ELAVL4: variants seen among roughly 807,000 people sequenced by gnomAD.
ELAVL4 encodes ELAV-like protein 4.
In ELAVL4, 1 loss-of-function variant was observed where a neutral mutation model predicts 35.6. The observed-to-expected ratio is 0.03, with a 90% confidence interval of 0.01 to 0.13. The LOEUF (loss-of-function observed/expected upper bound fraction) is 0.13. Among genes scored for constraint, ELAVL4 ranks in the 10% least tolerant of loss-of-function variants. The pLI is 1.00. For missense variants in ELAVL4, 267 were observed against 464.9 expected, an observed-to-expected ratio of 0.57 and a Z score of 3.91; for synonymous variants, 156 against 171.0, an observed-to-expected ratio of 0.91 and a Z score of 0.69.
rs770050704 is a variant in ELAVL4, at chr1:50,193,836, C to G, written c.426C>G (p.Thr142=). Residue 142 remains threonine (T), a synonymous_variant, in exon 4 of 7, where the codon ACC becomes ACG. Coordinates refer to ENST00000371824, the MANE Select transcript of ELAVL4 (RefSeq NM_001144774.3). ...ANLYVSGLPK[T]MTQKELEQLF... ...TCTATGTTAGCGGCCTTCCCAAAAC[C>G]ATGACCCAGAAGGAACTGGAGCAAC... 1 of 1,614,160 alleles carries G rather than the reference C, an allele frequency of 6.2e-7. No homozygotes were observed. The highest frequency in any genetic ancestry group is 1.1e-5 in the South Asian group (1 of 91,076).
chr1:50,069,322 A>G (rs949134678), intron 1 of ELAVL4, among the ~76,000 whole-genome samples: 4 of 152,106 alleles, frequency 2.6e-5, no homozygotes, highest in Non-Finnish European at 5.9e-5. Flanking sequence ...GATTACCTAT[A>G]GCATTTGTAT....
intron 1 of ELAVL4, among the ~76,000 whole-genome samples, chr1:50,136,012 A>C (rs1247846553): frequency 1.3e-5 from 2 of 152,128 alleles, no homozygotes; most frequent in African/African-American, 4.8e-5. Context: ...GTTGAATCAT[A>C]ACCAGGAAAG....
intron 2 of ELAVL4, among the ~76,000 whole-genome samples, chr1:50,161,005 A>T (rs1281799623): frequency 6.6e-6 from 1 of 152,208 alleles, no homozygotes; most frequent in African/African-American, 2.4e-5. Flanking sequence ...CCAAAGGCTA[A>T]TTACAGTGTA....
At chr1:50,152,918 A>T (rs759762418) in intron 2 of ELAVL4, among the ~76,000 whole-genome samples, 5 of 152,090 alleles carry the variant, frequency 3.3e-5, no homozygotes, top group Non-Finnish European at 5.9e-5. Context: ...TTTAGTGTCT[A>T]CTCTCTCAGA....
intron 1 of ELAVL4, among the ~76,000 whole-genome samples, chr1:50,137,365 G>C (rs1187367458): frequency 6.6e-6 from 1 of 152,038 alleles, no homozygotes; most frequent in African/African-American, 2.4e-5. Flanking sequence ...TTAAAGCTTT[G>C]TGAAGAGTGG....
At chr1:50,197,522 G>T (rs969205793) in intron 6 of ELAVL4, 55 bp downstream of exon 6, 1 of 1,455,510 alleles carries the variant, frequency 6.9e-7, no homozygotes, top group Non-Finnish European at 9.1e-7. Context: ...ACTGGGGCTA[G>T]AATTTTTTTT....
chr1:50,164,094 A>G (rs1442722297), intron 2 of ELAVL4, among the ~76,000 whole-genome samples: 5 of 152,208 alleles, frequency 3.3e-5, no homozygotes, highest in African/African-American at 7.2e-5. Context: ...AGATTATGTA[A>G]GTAATGATAT....
intron 4 of ELAVL4, among the ~76,000 whole-genome samples, chr1:50,194,256 A>G (rs17385086): frequency 0.065 from 9,882 of 152,284 alleles, 440 homozygotes; most frequent in Non-Finnish European, 0.096. Flanking sequence ...TTTGTATGTG[A>G]AAAGAACCTG....
intron 1 of ELAVL4, among the ~76,000 whole-genome samples, chr1:50,083,914 T>C (rs998768843): frequency 1.3e-5 from 2 of 152,214 alleles, no homozygotes; most frequent in African/African-American, 2.4e-5. Flanking sequence ...AATTGTGAGT[T>C]TCTGCATTTT....
chr1:50,081,759 A>G (rs992813166), intron 1 of ELAVL4, among the ~76,000 whole-genome samples: 5 of 152,142 alleles, frequency 3.3e-5, no homozygotes, highest in African/African-American at 1.2e-4. Context: ...TACACGTGCT[A>G]TGGTGGTTTG....
At chr1:50,176,173 AC>A (rs1400649340) in intron 2 of ELAVL4, among the ~76,000 whole-genome samples, 2 of 152,130 alleles carry the variant, frequency 1.3e-5, no homozygotes, top group East Asian at 1.9e-4. Context: ...GTCACTTGCT[AC>A]CTCTCTTTGC....
At chr1:50,175,670 T>A (rs995872762) in intron 2 of ELAVL4, 1 of 152,260 alleles carries the variant, frequency 6.6e-6, no homozygotes, top group Non-Finnish European at 1.5e-5. Flanking sequence ...CTTGTGATTC[T>A]CTTTGCTCCA....
chr1:50,114,066 C>T (rs1429407891), intron 1 of ELAVL4, among the ~76,000 whole-genome samples: 1 of 152,014 alleles, frequency 6.6e-6, no homozygotes, highest in East Asian at 1.9e-4. Flanking sequence ...AATATATATT[C>T]AGACCCTGCA....
intron 1 of ELAVL4, among the ~76,000 whole-genome samples, chr1:50,092,225 C>G (rs1221327986): frequency 6.6e-6 from 1 of 152,110 alleles, no homozygotes; most frequent in Admixed American, 6.5e-5. Flanking sequence ...ATTGGAAACA[C>G]AAAAAGAGCA....
chr1:50,051,003 T>C (rs1280737920), intron 1 of ELAVL4, among the ~76,000 whole-genome samples: 1 of 152,128 alleles, frequency 6.6e-6, no homozygotes, highest in Non-Finnish European at 1.5e-5. Flanking sequence ...ACTATATAGA[T>C]TATAATATCA....
intron 1 of ELAVL4, among the ~76,000 whole-genome samples, chr1:50,085,958 T>A (rs1665221223): frequency 6.6e-6 from 1 of 152,196 alleles, no homozygotes; most frequent in South Asian, 2.1e-4. Flanking sequence ...TCCCACATGT[T>A]TGTTCACCAG....
chr1:50,200,857 C>T lies in ELAVL4; in HGVS notation c.780C>T (p.Ser260=). 6.2e-7 allele frequency: 1 copy of T among 1,613,578 alleles called. No individual in the cohort carries two copies. Among genetic ancestry groups the T allele is most frequent in the Non-Finnish European group, 8.5e-7 (1 of 1,179,804 alleles). The change falls in exon 7 of 7, where the codon TCC becomes TCT. Residue 260 remains serine (S), a synonymous_variant. Coordinates refer to ENST00000371824, the MANE Select transcript of ELAVL4 (RefSeq NM_001144774.3). ...CTTCTGCTTGTCCCCCCAGGTTCTC[C>T]CCAATTACCATTGATGGAATGACAA... ...LNMAYGVKRF[S]PITIDGMTSL... is the part of the protein sequence containing the mutation.
intron 1 of ELAVL4, among the ~76,000 whole-genome samples, chr1:50,131,384 G>A (rs1026496320): frequency 1.3e-5 from 2 of 152,038 alleles, no homozygotes; most frequent in Non-Finnish European, 2.9e-5. Flanking sequence ...ATTTTGAAAA[G>A]GCAAAAGATT....
chr1:50,083,205 C>A (rs1184509070), intron 1 of ELAVL4, among the ~76,000 whole-genome samples: 1 of 152,066 alleles, frequency 6.6e-6, no homozygotes, highest in Admixed American at 6.6e-5. Context: ...TACAAGCACA[C>A]AACACTTTAC....
Sources: gnomAD v4.1 joint callset for allele counts (sites outside exome capture counted in the v4.1 genomes callset) on GRCh38, gnomAD v4.1.1 for gene constraint, MANE v1.5 for transcripts, NCBI Gene and HGNC (gene_info 2026-07-23, HGNC 2026-07-21) for gene names.